Variants in GNL3 observed in about 807,000 individuals in gnomAD.
The protein encoded by GNL3 is guanine nucleotide-binding protein-like 3.
GNL3 carries 77 observed loss-of-function variants against 70.6 expected under a neutral mutation model. That is an observed-to-expected ratio of 1.09 (90% CI 0.91 to 1.32). GNL3 has a LOEUF of 1.32. GNL3 is among the 40% of genes most tolerant of loss of function. The probability of loss-of-function intolerance (pLI) is 0.00; values close to 1 mark genes in which losing one functional copy is unlikely to be tolerated. For missense variants in GNL3, 634 were observed against 644.0 expected (o/e 0.98, Z 0.17); for synonymous variants, 252 against 216.1 (o/e 1.17, Z -1.46).
chr3:52,691,074 G>A lies in GNL3; in HGVS notation c.781+3G>A, dbSNP rs2097326790. 1 of 1,613,232 alleles carries A rather than the reference G, an allele frequency of 6.2e-7. No homozygotes were observed. Among genetic ancestry groups the A allele is most frequent in the East Asian group, 2.2e-5 (1 of 44,880 alleles). Reference sequence around the variant, plus strand: ...AGCCATTCGGGTTGGAGTAATTGGTGAGTTTCAGTTCATTACTTTTTACTT... The same window carrying A: ...AGCCATTCGGGTTGGAGTAATTGGTAAGTTTCAGTTCATTACTTTTTACTT... On this transcript the variant is annotated splice_donor_region_variant and intron_variant, in intron 8 of 14. Coordinates refer to ENST00000418458, the MANE Select transcript of GNL3 (RefSeq NM_014366.5).
In GNL3 at chr3:52,694,358, T is replaced by A. The variant is rs2097330669; in HGVS notation, c.*83T>A. 1.4e-6 allele frequency: 1 copy of A among 734,556 alleles called. No homozygotes were observed. Among genetic ancestry groups the A allele is most frequent in the Non-Finnish European group, 2.3e-6 (1 of 435,048 alleles). 45.5% of individuals were successfully genotyped at this position (734,556 alleles called of 1,614,324 possible). A position where few individuals can be genotyped will look rare whatever the true frequency, so the allele number is the denominator to read the frequency against. ...TTCTCTGTATAAGTTATGGTATGCA[T>A]GAGCTGTGTAAATTTTGTGAATATG... On this transcript the variant is annotated 3_prime_UTR_variant, in exon 15 of 15. Coordinates refer to ENST00000418458, the MANE Select transcript of GNL3 (RefSeq NM_014366.5).
At position 52,693,740 on chromosome 3, in the gene GNL3, A is replaced by G. The variant is rs80333749; in HGVS notation, c.1433A>G (p.Glu478Gly). 9.7e-4 allele frequency: 1,571 copies of G among 1,613,608 alleles called. 17 individuals carry two copies. In the African/African-American group the frequency reaches 0.019, roughly 19 times the overall value. Reference sequence around the variant, plus strand: ...CATGAAGAATTGCCAAAACGGAAAGAAAGGAAGCAGGAGGAGAGGGAGGAT... The same window carrying G: ...CATGAAGAATTGCCAAAACGGAAAGGAAGGAAGCAGGAGGAGAGGGAGGAT... ...DIHEELPKRK[E>G]RKQEEREDDK... Residue 478 changes from glutamate (E) to glycine (G), a missense_variant, in exon 13 of 15, where the codon GAA (glutamate) becomes GGA (glycine). Glu to Gly is a moderately conservative substitution (Grantham distance 98, BLOSUM62 -2). Transcript: ENST00000418458.
Position 52,687,486 on chromosome 3 carries a change from C to A in GNL3, c.211-16C>A. The A allele has an allele frequency of 6.2e-7, 1 of 1,600,978 alleles. No individual in the cohort carries two copies. Among genetic ancestry groups the A allele is most frequent in the South Asian group, 1.1e-5 (1 of 90,774 alleles). On this transcript the variant is annotated splice_polypyrimidine_tract_variant and intron_variant, in intron 3 of 14. Coordinates refer to ENST00000418458, the MANE Select transcript of GNL3 (RefSeq NM_014366.5). ...ACTAGTCACTGGTTCACCTATTTCC[C>A]TTATGGCTCTGACAGCTTGAAGAAC...
chr3:52,690,499 G>A (rs558166565), intron 6 of GNL3, 93 bp from the exon 7 acceptor site: 6 of 713,924 alleles, frequency 8.4e-6, no homozygotes, highest in East Asian at 2.6e-5. Context: ...TCCTGAACTC[G>A]TGATCCGCCT....
At chr3:52,687,752 TCTC>T in intron 4 of GNL3, 137 bp downstream of exon 4, 1 of 624,784 alleles carries the variant, frequency 1.6e-6, no homozygotes, top group East Asian at 2.7e-5. Context: ...ACCACCTCAG[TCTC>T]CAAGTAGCTG....
Position 52,694,241 on chromosome 3 carries a change from A to T in GNL3, c.1616A>T (p.Asp539Val), listed in dbSNP as rs745936245. Residue 539 changes from aspartate to valine, a missense_variant, in exon 15 of 15, where the codon GAT becomes GTT. By Grantham distance (152) the Asp-to-Val change is radical (BLOSUM62 -3). Coordinates refer to ENST00000418458, the MANE Select transcript of GNL3 (RefSeq NM_014366.5). ...ATCTTGGATAAAATCATTGAAGAGG[A>T]TGATGCTTATGACTTCAGTACAGAT... Reference protein sequence around the residue: ...SFILDKIIEEDDAYDFSTDYV With the variant: ...SFILDKIIEEVDAYDFSTDYV 1.3e-6 allele frequency: 2 copies of T among 1,582,538 alleles called. No homozygotes were observed. The highest frequency in any genetic ancestry group is 2.2e-5 in the South Asian group (2 of 90,406).
intron 9 of GNL3, chr3:52,692,668 A>C: frequency 1.4e-6 from 1 of 722,626 alleles, no homozygotes; most frequent in Non-Finnish European, 2.6e-6. Context: ...TGGTTGATGT[A>C]AATATATAAG....
Position 52,690,651 on chromosome 3 carries a change from A to C in GNL3, c.601A>C (p.Thr201Pro). 6.2e-7 allele frequency: 1 copy of C among 1,611,950 alleles called. No individual in the cohort carries two copies. The highest frequency in any genetic ancestry group is 1.1e-5 in the South Asian group (1 of 91,032). The change falls in exon 7 of 15, where the codon ACA becomes CCA. Residue 201 changes from threonine (T) to proline (P), a missense_variant. Thr to Pro is a conservative substitution (Grantham distance 38, BLOSUM62 -1). Coordinates refer to ENST00000418458, the MANE Select transcript of GNL3 (RefSeq NM_014366.5). ...WLNYLKKELP[T>P]VVFRASTKPK... ...AAATTATTTGAAGAAAGAATTGCCA[A>C]CAGTGGTGTTCAGAGCCTCAACAAA...
In GNL3 at chr3:52,692,989, A is replaced by G; in HGVS notation, c.987A>G (p.Glu329=). The G allele has an allele frequency of 6.2e-7, 1 of 1,614,180 alleles. No individual in the cohort carries two copies. Among genetic ancestry groups the G allele is most frequent in the Non-Finnish European group, 8.5e-7 (1 of 1,180,010 alleles). The change falls in exon 10 of 15, where the codon GAA becomes GAG. Residue 329 remains glutamate (E), a synonymous_variant. Coordinates refer to ENST00000418458, the MANE Select transcript of GNL3 (RefSeq NM_014366.5). The stretch of plus-strand genomic sequence containing the variant: ...CTCTGCGAAGTCCAGCAAGTATTGA[A>G]GTAGTAAAACCGATGGAGGCTGCCA... ...ALALRSPASI[E]VVKPMEAASA...
rs369801972 is a variant in GNL3, at chr3:52,690,981, A to C, written c.691A>C (p.Ser231Arg). The change falls in exon 8 of 15, where the codon AGT becomes CGT. Residue 231 changes from serine to arginine, a missense_variant. Transcript: ENST00000418458. ...AAAGAAGAATGCTGCTCCATTCAGA[A>C]GTGAAGTCTGCTTTGGGAAAGAGGG... ...KAKKNAAPFRSEVCFGKEGLW... is the reference protein window; with the variant it reads ...KAKKNAAPFRREVCFGKEGLW... The C allele has an allele frequency of 6.2e-7, 1 of 1,613,924 alleles. No individual in the cohort carries two copies. The highest frequency in any genetic ancestry group is 8.5e-7 in the Non-Finnish European group (1 of 1,179,768).
chr3:52,686,934 G>A (rs147554274), intron 2 of GNL3, 107 bp downstream of exon 2: 3 of 812,104 alleles, frequency 3.7e-6, no homozygotes, highest in African/African-American at 3.4e-5. Flanking sequence ...TTGGGAAATG[G>A]CATTGGATAG....
intron 4 of GNL3, 191 bp from the exon 5 acceptor site, chr3:52,687,918 G>T: frequency 1.7e-6 from 1 of 600,870 alleles, no homozygotes; most frequent in Non-Finnish European, 3.0e-6. Flanking sequence ...CTGGCTGAGA[G>T]ATGAGTTCTG....
intron 5 of GNL3, among the ~76,000 whole-genome samples, chr3:52,688,429 C>T (rs1372525301): frequency 6.6e-6 from 1 of 152,188 alleles, no homozygotes; most frequent in Non-Finnish European, 1.5e-5. Context: ...CAAATCATTT[C>T]GTGACTCGAC....
intron 9 of GNL3, 62 bp from the exon 10 acceptor site, chr3:52,692,810 G>C (rs1396296758): frequency 7.7e-7 from 1 of 1,306,456 alleles, no homozygotes; most frequent in Non-Finnish European, 1.1e-6. Flanking sequence ...TGAGCTTCAT[G>C]TTCTGTCTCT....
Position 52,693,455 on chromosome 3 carries a change from C to A in GNL3, c.1235C>A (p.Pro412His). Reference protein sequence around the residue: ...YCHPPTSWTPPPYFNESIVVD... With the variant: ...YCHPPTSWTPHPYFNESIVVD... ...CATCCCCCTACATCTTGGACTCCTC[C>A]TCCATATTTTAATGAGAGTATTGTG... The change falls in exon 12 of 15, where the codon CCT becomes CAT. Residue 412 changes from proline (P) to histidine (H), a missense_variant. Coordinates refer to ENST00000418458, the MANE Select transcript of GNL3 (RefSeq NM_014366.5). 6.2e-6 allele frequency: 10 copies of A among 1,613,888 alleles called. No homozygotes were observed. The highest frequency in any genetic ancestry group is 8.5e-6 in the Non-Finnish European group (10 of 1,179,772).
rs1335333099 is a variant in GNL3, at chr3:52,693,039, C to A, written c.1037C>A (p.Ala346Asp). The change falls in exon 10 of 15, where the codon GCT becomes GAT. Residue 346 changes from alanine (A) to aspartate (D), a missense_variant. Coordinates refer to ENST00000418458, the MANE Select transcript of GNL3 (RefSeq NM_014366.5). The stretch of plus-strand genomic sequence containing the variant: ...AGTGCCATCCTTTCCCAGGCTGATG[C>A]TCGACAGGTAAAAGGACCCCTTCTC... ...AASAILSQAD[A>D]RQVVLKYTVP... 6 of 1,614,106 alleles carry A rather than the reference C, an allele frequency of 3.7e-6. No homozygotes were observed. The highest frequency in any genetic ancestry group is 5.1e-6 in the Non-Finnish European group (6 of 1,179,928).
intron 8 of GNL3, 142 bp from the exon 9 acceptor site, chr3:52,691,400 G>A: frequency 1.5e-6 from 1 of 655,852 alleles, no homozygotes; most frequent in East Asian, 2.8e-5. Flanking sequence ...AACTAAAATT[G>A]GTCTTAGTAT....
Position 52,686,181 on chromosome 3 carries a change from G to T in GNL3, c.13+76G>T, listed in dbSNP as rs866838788. The T allele has an allele frequency of 3.9e-5, 60 of 1,529,746 alleles. No homozygotes were observed. In the African/African-American group the frequency reaches 5.3e-4, roughly 14 times the overall value. The allele number at this position is 1,529,746 out of a possible 1,614,324, so 94.8% of individuals were successfully genotyped here. A position where few individuals can be genotyped will look rare whatever the true frequency, so the allele number is the denominator to read the frequency against. The stretch of plus-strand genomic sequence containing the variant: ...TGCAGCCACCACGACGCTCTTCTAC[G>T]GCTACGGCTTTGTCTCTGCTGGTAT... On this transcript the variant is annotated intron_variant, in intron 1 of 14. Coordinates refer to ENST00000418458, the MANE Select transcript of GNL3 (RefSeq NM_014366.5).
At chr3:52,685,932 C>T (rs545903132), upstream of GNL3, 913 of 685,708 alleles carry the variant, frequency 1.3e-3, 3 homozygotes, top group Middle Eastern at 5.3e-3. Context: ...GGCCGCCAAG[C>T]GATCCCTGCT....
Sources: gnomAD v4.1 joint callset for allele counts (sites outside exome capture counted in the v4.1 genomes callset) on GRCh38, gnomAD v4.1.1 for gene constraint, MANE v1.5 for transcripts, NCBI Gene and HGNC (gene_info 2026-07-23, HGNC 2026-07-21) for gene names.